Variants in NAALADL2 observed in about 807,000 individuals in gnomAD.
NAALADL2 encodes the protein N-acetylated alpha-linked acidic dipeptidase like 2, also known as inactive N-acetylated-alpha-linked acidic dipeptidase-like protein 2.
NAALADL2 carries 76 observed loss-of-function variants against 87.2 expected under a neutral mutation model. That is an observed-to-expected ratio of 0.87 (90% CI 0.72 to 1.05). The LOEUF (loss-of-function observed/expected upper bound fraction) is 1.05. Among genes scored for constraint, NAALADL2 ranks in the 50% least tolerant of loss-of-function variants. The pLI, the probability that NAALADL2 is intolerant of heterozygous loss-of-function variation, is 0.00. For missense variants in NAALADL2, 1,089 were observed against 945.8 expected (o/e 1.15, Z -1.99); for synonymous variants, 354 against 331.0 (o/e 1.07, Z -0.75).
chr3:174,836,708 CAAAAAAAAAAAA>C (rs36091749), intron 3 of NAALADL2, among the ~76,000 whole-genome samples: 2 of 65,386 alleles, frequency 3.1e-5, no homozygotes, highest in South Asian at 8.3e-4. Flanking sequence ...GACTCCGTCT[CAAAAAAAAAAAA>C]AAAAAAAAAA....
At position 174,490,917 on chromosome 3, in the gene NAALADL2, C is replaced by T. The variant is rs570077423; in HGVS notation, c.-184+49885C>T. Among the ~76,000 whole-genome samples, 5 of 151,952 alleles carry T rather than the reference C, an allele frequency of 3.3e-5. No individual in the cohort carries two copies. In the South Asian group the frequency reaches 6.2e-4, roughly 19 times the overall value. ...CATCAATTTTAATTAAAACTTATAA[C>T]GGGGTTTGAATTATGGGATGAAAAT... On this transcript the variant is annotated intron_variant, in intron 1 of 3. Coordinates refer to the NAALADL2 transcript ENST00000434257.
intron 1 of NAALADL2, among the ~76,000 whole-genome samples, chr3:174,978,434 A>G (rs911970472): frequency 6.6e-6 from 1 of 152,172 alleles, no homozygotes; most frequent in Non-Finnish European, 1.5e-5. Context: ...TTTTTATAAT[A>G]TAATTTATTA....
chr3:175,649,635 G>A (rs564752297), intron 11 of NAALADL2, among the ~76,000 whole-genome samples: 5 of 152,238 alleles, frequency 3.3e-5, no homozygotes, highest in African/African-American at 1.2e-4. Context: ...CAGTGCACAT[G>A]GATAGAGACA....
chr3:175,153,263 C>T (rs1249137295), intron 2 of NAALADL2, among the ~76,000 whole-genome samples: 2 of 152,134 alleles, frequency 1.3e-5, no homozygotes, highest in African/African-American at 2.4e-5. Flanking sequence ...CTGCTCCTCC[C>T]AGTCTCCAGC....
chr3:175,065,319 C>T (rs1714350892), intron 1 of NAALADL2, among the ~76,000 whole-genome samples: 1 of 152,162 alleles, frequency 6.6e-6, no homozygotes, highest in Non-Finnish European at 1.5e-5. Context: ...AAATAATATT[C>T]ATTTTAGTAT....
chr3:174,447,367 A>G lies in NAALADL2; in HGVS notation c.-184+6335A>G, dbSNP rs896585725. On this transcript the variant is annotated intron_variant, in intron 1 of 3. Coordinates refer to the NAALADL2 transcript ENST00000434257. ...TAACTGGGGTACTCTGAGCTTTGTT[A>G]GAGGGCTCCGAGCCATAGATAAATA... 2.0e-5 allele frequency among the ~76,000 whole-genome samples: 3 copies of G among 152,206 alleles called. No homozygotes were observed. The South Asian group carries it at 6.2e-4, about 31-fold the overall frequency.
chr3:174,982,416 C>T (rs561475924), intron 1 of NAALADL2, among the ~76,000 whole-genome samples: 2 of 152,058 alleles, frequency 1.3e-5, no homozygotes, highest in South Asian at 4.2e-4. Context: ...AGAGAGGCCT[C>T]TGATGATTTG....
At chr3:174,789,718 A>C (rs1717236823) in intron 3 of NAALADL2, among the ~76,000 whole-genome samples, 1 of 152,242 alleles carries the variant, frequency 6.6e-6, no homozygotes, top group East Asian at 1.9e-4. Context: ...TCAGCAGCTA[A>C]TATCATAGCA....
intron 3 of NAALADL2, among the ~76,000 whole-genome samples, 199 bp from the exon 4 acceptor site, chr3:175,256,212 C>G (rs184666810): frequency 3.3e-5 from 5 of 152,208 alleles, no homozygotes; most frequent in Admixed American, 2.6e-4. Context: ...CACATTTTCT[C>G]TAGTGCCCAG....
chr3:174,654,223 A>T (rs1423350200), intron 2 of NAALADL2, among the ~76,000 whole-genome samples: 1 of 152,100 alleles, frequency 6.6e-6, no homozygotes, highest in Non-Finnish European at 1.5e-5. Flanking sequence ...TAAATCATAA[A>T]ATTTTGTTAA....
rs1447594212 is a variant in NAALADL2, at chr3:175,504,624, A to G, written c.1653+32866A>G. On this transcript the variant is annotated intron_variant, in intron 9 of 13. Transcript: ENST00000454872. The stretch of plus-strand genomic sequence containing the variant: ...CTCTCTCTCTCTCTCTCTCTCTCAG[A>G]CACAGTGAGAAAGCAGTCATTTGCA... Among the ~76,000 whole-genome samples, 3 of 141,676 alleles carry G rather than the reference A, an allele frequency of 2.1e-5. No individual in the cohort carries two copies. The Admixed American group carries it at 2.2e-4, about 10-fold the overall frequency. The allele number at this position is 141,676 out of a possible 152,430, so 92.9% of individuals were successfully genotyped here. A position where few individuals can be genotyped will look rare whatever the true frequency, so the allele number is the denominator to read the frequency against.
chr3:174,572,368 G>A (rs1715028422), intron 2 of NAALADL2, among the ~76,000 whole-genome samples: 2 of 152,122 alleles, frequency 1.3e-5, no homozygotes, highest in Admixed American at 6.6e-5. Flanking sequence ...ATCTTAGAAA[G>A]TTATGACAGA....
chr3:174,824,783 G>A (rs1721801546), intron 3 of NAALADL2, among the ~76,000 whole-genome samples: 1 of 152,144 alleles, frequency 6.6e-6, no homozygotes, highest in African/African-American at 2.4e-5. Flanking sequence ...TCACTTATGG[G>A]ACAAAATGGC....
rs34276529 is a variant in NAALADL2, at chr3:175,628,617, G to GTATATATATATA, written c.1896+1239_1896+1250dup. 1.3e-3 allele frequency among the ~76,000 whole-genome samples: 176 copies of GTATATATATATA among 139,194 alleles called. 2 individuals carry two copies. Among genetic ancestry groups the GTATATATATATA allele is most frequent in the African/African-American group, 4.4e-3 (170 of 38,374 alleles). The allele number at this position is 139,194 out of a possible 152,430, so 91.3% of individuals were successfully genotyped here. On this transcript the variant is annotated intron_variant, in intron 11 of 13. Transcript: ENST00000454872. ...CCATTAAAATAATCTCTCTCTCTAT[G>GTATATATATATA]TATATATATATATATATATGAATTA...
chr3:175,003,979 A>G (rs375887796), intron 1 of NAALADL2, among the ~76,000 whole-genome samples: 55 of 152,292 alleles, frequency 3.6e-4, no homozygotes, highest in African/African-American at 1.3e-3. Flanking sequence ...ATCCAGCAGG[A>G]TGCTTACTCC....
chr3:175,313,734 A>C (rs1316635448), intron 4 of NAALADL2, among the ~76,000 whole-genome samples: 3 of 152,140 alleles, frequency 2.0e-5, no homozygotes, highest in Non-Finnish European at 4.4e-5. Context: ...TAAAAGTAAC[A>C]ATAGAAGTTA....
At chr3:175,398,286 C>T (rs887633234) in intron 5 of NAALADL2, among the ~76,000 whole-genome samples, 5 of 150,208 alleles carry the variant, frequency 3.3e-5, no homozygotes, top group East Asian at 3.9e-4. Context: ...TGACCCTCAG[C>T]AGGATTTGAA....
intron 4 of NAALADL2, among the ~76,000 whole-genome samples, chr3:175,289,837 C>A (rs185003275): frequency 6.6e-6 from 1 of 151,944 alleles, no homozygotes; most frequent in Non-Finnish European, 1.5e-5. Context: ...AAGCCACAGA[C>A]TGGGAGAAAA....
intron 4 of NAALADL2, among the ~76,000 whole-genome samples, chr3:175,271,664 C>T (rs1031843234): frequency 1.3e-5 from 2 of 152,036 alleles, no homozygotes; most frequent in African/African-American, 4.8e-5. Flanking sequence ...TGGTGGCGCA[C>T]GCCTGTAATC....
Sources: gnomAD v4.1 joint callset for allele counts (sites outside exome capture counted in the v4.1 genomes callset) on GRCh38, gnomAD v4.1.1 for gene constraint, MANE v1.5 for transcripts, NCBI Gene and HGNC (gene_info 2026-07-23, HGNC 2026-07-21) for gene names.